Variants in TJAP1 observed in about 807,000 individuals in gnomAD.
The protein encoded by TJAP1 is tight junction associated protein 1, also known as tight junction-associated protein 1.
TJAP1 carries 27 observed loss-of-function variants against 42.0 expected under a neutral mutation model. The observed-to-expected ratio is 0.64, with a 90% CI of 0.47 to 0.89. The LOEUF (loss-of-function observed/expected upper bound fraction) is 0.89. Among genes scored for constraint, TJAP1 ranks in the 40% least tolerant of loss-of-function variants. TJAP1 has a pLI of 0.00. For synonymous variants in TJAP1, 257 were observed against 288.4 expected (o/e 0.89, Z 1.10); for missense variants, 712 against 726.9 (o/e 0.98, Z 0.24).
At chr6:43,481,541 T>A (rs1785319767) in intron 2 of TJAP1, among the ~76,000 whole-genome samples, 2 of 129,594 alleles carry the variant, frequency 1.5e-5, no homozygotes, top group South Asian at 2.5e-4. Context: ...ATTAATAAAA[T>A]TTGAAACAAT....
At position 43,491,140 on chromosome 6, in the gene TJAP1, G is replaced by A. The variant is rs1787723013; in HGVS notation, c.-121-6741G>A. 6.6e-6 allele frequency among the ~76,000 whole-genome samples: 1 copy of A among 152,110 alleles called. No individual in the cohort carries two copies. Among genetic ancestry groups the A allele is most frequent in the East Asian group, 1.9e-4 (1 of 5,186 alleles). On this transcript the variant is annotated intron_variant, in intron 2 of 10. Transcript: ENST00000372449. This position sits in a 1 kb window ranked among gnomAD's most constrained non-coding sequence, Gnocchi z 4.6. ...AGAAGGCAGCAGCCTACCAGCACTG[G>A]GTGGGAGCTTGTAAATGGGAGAGGG...
intron 2 of TJAP1, among the ~76,000 whole-genome samples, chr6:43,478,508 A>G (rs533470754): frequency 1.3e-5 from 2 of 152,366 alleles, no homozygotes; most frequent in South Asian, 4.1e-4. Flanking sequence ...CATCCCTGTC[A>G]CAAGCAGTTT....
chr6:43,502,465 G>C, intron 7 of TJAP1, 116 bp downstream of exon 7: 1 of 1,484,400 alleles, frequency 6.7e-7, no homozygotes, highest in South Asian at 1.2e-5. Context: ...GGTGGGATGG[G>C]GCAGTGGTGG....
At chr6:43,504,036 C>G (rs995365016) in intron 10 of TJAP1, 1 of 513,248 alleles carries the variant, frequency 1.9e-6, no homozygotes, top group East Asian at 4.4e-5. Flanking sequence ...CATGTTACCC[C>G]AAGGGGTAAA....
rs767085594 is a variant in TJAP1, at chr6:43,502,076, A to ACACACACACACTCT, written c.291-206_291-205insACACACACACTCTC. 7.3e-4 allele frequency among the ~76,000 whole-genome samples: 50 copies of ACACACACACACTCT among 68,954 alleles called. 3 individuals are homozygous for ACACACACACACTCT. The highest frequency in any genetic ancestry group is 1.3e-3 in the African/African-American group (17 of 13,114). The allele number at this position is 68,954 out of a possible 152,430, so 45.2% of individuals were successfully genotyped here. On this transcript the variant is annotated intron_variant, in intron 6 of 10. Transcript: ENST00000372449. ...CACACACACACACACACACACACAC[A>ACACACACACACTCT]CTCTCTCTCTCTCTCTCTCTCTCTC...
At chr6:43,487,740 A>G (rs1273937973) in intron 2 of TJAP1, among the ~76,000 whole-genome samples, 2 of 152,146 alleles carry the variant, frequency 1.3e-5, no homozygotes, top group Non-Finnish European at 2.9e-5. Flanking sequence ...GTAAAATGCT[A>G]ACCATACAGA....
In TJAP1 at chr6:43,505,305, T is replaced by C; in HGVS notation, c.1124T>C (p.Val375Ala). The C allele has an allele frequency of 6.2e-7, 1 of 1,610,932 alleles. No homozygotes were observed. Among genetic ancestry groups the C allele is most frequent in the Non-Finnish European group, 8.5e-7 (1 of 1,179,660 alleles). The change falls in exon 11 of 11, where the codon GTG (valine) becomes GCG (alanine). Residue 375 changes from valine (V) to alanine (A), a missense_variant. Physicochemically the swap from Val to Ala is moderately conservative, Grantham distance 64. This residue lies in a region of TJAP1 where 549 missense variants were observed against 528.2 expected (regional missense o/e 1.04). Transcript: ENST00000372449. This position sits in a 1 kb window ranked among gnomAD's most constrained non-coding sequence, Gnocchi z 5.5. ...AGTGAGCGGGCCCGCCCCAGCCCAG[T>C]GCCCAGCACCCCTGCCTCAGCCCAG...
chr6:43,506,080 T>A (rs777647378), exon 11 of TJAP1: 42 of 416,654 alleles, frequency 1.0e-4, no homozygotes, highest in Non-Finnish European at 1.6e-4. Context: ...CTTAGAATAT[T>A]TATTCTTCAG....
rs902945567 is a variant in TJAP1, at chr6:43,492,832, G to A, written c.-121-5049G>A. 6.6e-6 allele frequency among the ~76,000 whole-genome samples: 1 copy of A among 152,110 alleles called. No homozygotes were observed. The highest frequency in any genetic ancestry group is 1.5e-5 in the Non-Finnish European group (1 of 68,022). On this transcript the variant is annotated intron_variant, in intron 2 of 10. Transcript: ENST00000372449. The surrounding 1 kb of genome is among the most constrained non-coding windows in gnomAD (Gnocchi z 4.2). ...ACTGGATTTCAGAGGCTTGAGAAGCGGCCAGACTTGTGTGGCGGGAGTGTA... is the reference window on the plus strand; with the variant it reads ...ACTGGATTTCAGAGGCTTGAGAAGCAGCCAGACTTGTGTGGCGGGAGTGTA...
chr6:43,484,018 G>A (rs1390411520), intron 2 of TJAP1, among the ~76,000 whole-genome samples: 3 of 151,768 alleles, frequency 2.0e-5, no homozygotes, highest in Non-Finnish European at 4.4e-5. Context: ...AGTGAGCTAT[G>A]ATTGCACCAT....
intron 5 of TJAP1, 50 bp from the exon 6 acceptor site, chr6:43,501,476 C>G (rs1379136487): frequency 4.6e-6 from 7 of 1,538,438 alleles, no homozygotes; most frequent in Non-Finnish European, 6.2e-6. Context: ...CAGGGCATGC[C>G]CTTCTATCTC....
At chr6:43,500,308 G>T (rs1790236456) in intron 4 of TJAP1, among the ~76,000 whole-genome samples, 1 of 152,190 alleles carries the variant, frequency 6.6e-6, no homozygotes, top group African/African-American at 2.4e-5. Context: ...TTCTGCCTTT[G>T]TCTTCATCTC....
chr6:43,480,440 T>C (rs1490519866), intron 2 of TJAP1, among the ~76,000 whole-genome samples: 3 of 152,256 alleles, frequency 2.0e-5, no homozygotes, highest in Non-Finnish European at 2.9e-5. Context: ...ATGATAATAA[T>C]AACAATAATG....
intron 3 of TJAP1, among the ~76,000 whole-genome samples, chr6:43,498,421 A>G (rs1335780598): frequency 6.6e-6 from 1 of 152,134 alleles, no homozygotes; most frequent in Non-Finnish European, 1.5e-5. Context: ...GCAGTGGCAC[A>G]TGCTTGTGGT....
In TJAP1 at chr6:43,505,079, T is replaced by A. The variant is rs1176048775; in HGVS notation, c.898T>A (p.Ser300Thr). 4 of 1,613,600 alleles carry A rather than the reference T, an allele frequency of 2.5e-6. No homozygotes were observed. In the African/African-American group the frequency reaches 4.0e-5, roughly 16 times the overall value. Residue 300 changes from serine to threonine, a missense_variant, in exon 11 of 11, where the codon TCC becomes ACC. Around this residue, in one of 3 missense-constraint regions of TJAP1, gnomAD observed 549 missense variants for 528.2 expected, o/e 1.04. Coordinates refer to ENST00000372449, the Ensembl canonical transcript of TJAP1. This position sits in a 1 kb window ranked among gnomAD's most constrained non-coding sequence, Gnocchi z 5.5. ...CCACTCTCTGGGTACTGCCAGGGGC[T>A]CCCCGGAGGAAGAGCTGCCCCTGCC...
chr6:43,506,487 C>G (rs914897940), exon 11 of TJAP1: 3 of 152,760 alleles, frequency 2.0e-5, no homozygotes, highest in African/African-American at 7.2e-5. Context: ...TAGACTGTTA[C>G]TCTTAAGCTT....
intron 2 of TJAP1, among the ~76,000 whole-genome samples, chr6:43,484,703 T>C (rs892134485): frequency 1.7e-4 from 25 of 151,198 alleles, no homozygotes; most frequent in South Asian, 6.2e-4. Flanking sequence ...TGTGCAGAGA[T>C]TGTTGGTGTT....
At chr6:43,490,273 C>T (rs941159539) in intron 2 of TJAP1, among the ~76,000 whole-genome samples, 1 of 152,268 alleles carries the variant, frequency 6.6e-6, no homozygotes, top group Non-Finnish European at 1.5e-5. Context: ...TGACCACCCC[C>T]CACCGTCACC....
chr6:43,480,360 A>G (rs766926319), intron 2 of TJAP1, among the ~76,000 whole-genome samples: 16 of 152,252 alleles, frequency 1.1e-4, no homozygotes, highest in Non-Finnish European at 2.1e-4. Flanking sequence ...ATTTAAGGCA[A>G]TGTTAAAATG....
Sources: gnomAD v4.1 joint callset for allele counts (sites outside exome capture counted in the v4.1 genomes callset) on GRCh38, gnomAD v4.1.1 for gene constraint, gnomAD v4.1.1 regional missense constraint, Gnocchi (gnomAD v3.1) non-coding constraint, MANE v1.5 for transcripts, NCBI Gene and HGNC (gene_info 2026-07-23, HGNC 2026-07-21) for gene names.